The following GPRC6A variants were observed in gnomAD, a reference collection of about 807,000 sequenced individuals.
GPRC6A encodes G protein-coupled receptor class C group 6 member A, also known as G protein-coupled receptor family C group 6 member A.
GPRC6A carries 54 observed loss-of-function variants against 47.0 expected under a neutral mutation model. The ratio of observed to expected loss-of-function variants is 1.15; its 90% CI spans 0.92 to 1.44. The LOEUF (loss-of-function observed/expected upper bound fraction) is 1.44, where lower values mean the gene tolerates loss of function less well. Ranked by LOEUF, GPRC6A falls within the 40% of genes most tolerant of loss-of-function variation. The pLI is 0.00. For synonymous variants in GPRC6A, 347 were observed against 377.1 expected, an observed-to-expected ratio of 0.92 and a Z score of 0.93; for missense variants, 1,112 against 1,105.5, an observed-to-expected ratio of 1.01 and a Z score of -0.08.
intron 1 of GPRC6A, among the ~76,000 whole-genome samples, chr6:116,825,894 A>G (rs1007695729): frequency 6.6e-6 from 1 of 151,990 alleles, no homozygotes; most frequent in Non-Finnish European, 1.5e-5. Flanking sequence ...AAGTAAATCC[A>G]CATATTTATT....
chr6:116,816,816 G>T, intron 1 of GPRC6A, among the ~76,000 whole-genome samples: 1 of 152,228 alleles, frequency 6.6e-6, no homozygotes, highest in East Asian at 1.9e-4. Flanking sequence ...CCCGAATACT[G>T]CGCTTTTCTG....
Position 116,795,836 on chromosome 6 carries a change from C to G in GPRC6A, c.1549-1G>C, listed in dbSNP as rs78807485. On this transcript the variant is annotated splice_acceptor_variant, in intron 4 of 5. Coordinates refer to ENST00000310357, the MANE Select transcript of GPRC6A (RefSeq NM_148963.4). LOFTEE classifies it high-confidence loss of function. ...CCTTGGAGCATTTAGATTGAATTTG[C>G]TATATTAAAAGTGAAAAAAAAAATC... is the stretch of plus-strand genomic sequence containing the variant. 3 of 1,581,558 alleles carry G rather than the reference C, an allele frequency of 1.9e-6. No homozygotes were observed. In the African/African-American group the frequency reaches 4.1e-5, roughly 22 times the overall value.
intron 3 of GPRC6A, among the ~76,000 whole-genome samples, chr6:116,805,912 A>G (rs887676380): frequency 6.6e-6 from 1 of 152,008 alleles, no homozygotes; most frequent in African/African-American, 2.4e-5. Context: ...ATTATAAACC[A>G]CCAAAGACAG....
intron 3 of GPRC6A, among the ~76,000 whole-genome samples, chr6:116,802,809 A>G (rs1772718220): frequency 6.6e-6 from 1 of 152,080 alleles, no homozygotes. Flanking sequence ...ACTTCTTCTT[A>G]CTACTTCTTC....
At chr6:116,801,862 T>C (rs1004011495) in intron 3 of GPRC6A, among the ~76,000 whole-genome samples, 11 of 152,056 alleles carry the variant, frequency 7.2e-5, no homozygotes, top group African/African-American at 2.7e-4. Context: ...CATGGTGGAA[T>C]TCACTAACAA....
At chr6:116,800,901 G>A (rs941070663) in intron 3 of GPRC6A, 105 bp from the exon 4 acceptor site, 29 of 679,512 alleles carry the variant, frequency 4.3e-5, no homozygotes, top group African/African-American at 4.0e-4. Context: ...TTAAAAATGA[G>A]GGAAAAAAGA....
At chr6:116,803,015 G>A (rs1418597071) in intron 3 of GPRC6A, among the ~76,000 whole-genome samples, 1 of 151,972 alleles carries the variant, frequency 6.6e-6, no homozygotes, top group Non-Finnish European at 1.5e-5. Context: ...TACAATACAT[G>A]TCTCATAAAT....
At chr6:116,809,825 T>G (rs375993577) in intron 1 of GPRC6A, among the ~76,000 whole-genome samples, 5 of 152,312 alleles carry the variant, frequency 3.3e-5, no homozygotes, top group African/African-American at 1.2e-4. Context: ...AAGGAGTCTA[T>G]GCTACAGGAT....
intron 2 of GPRC6A, 71 bp downstream of exon 2, chr6:116,809,243 C>A: frequency 7.8e-7 from 1 of 1,277,768 alleles, no homozygotes; most frequent in Middle Eastern, 1.9e-4. Context: ...CTAGTTTCCT[C>A]AGGTTTCCCT....
chr6:116,807,428 T>G (rs1242648815), intron 2 of GPRC6A, among the ~76,000 whole-genome samples: 2 of 152,202 alleles, frequency 1.3e-5, no homozygotes, highest in East Asian at 3.8e-4. Context: ...GAATTCAGGC[T>G]GTATCTCATT....
chr6:116,826,258 T>G (rs971356666), intron 1 of GPRC6A, among the ~76,000 whole-genome samples: 3 of 151,708 alleles, frequency 2.0e-5, no homozygotes, highest in Non-Finnish European at 3.0e-5. Context: ...AGACAACCAC[T>G]TACTGGGAGA....
At chr6:116,800,846 G>A (rs752785504) in intron 3 of GPRC6A, 50 bp from the exon 4 acceptor site, 20 of 1,113,806 alleles carry the variant, frequency 1.8e-5, no homozygotes, top group Non-Finnish European at 2.5e-5. Context: ...TGTTGCAAAT[G>A]TATCCATTAT....
At chr6:116,800,137 G>A (rs149289530) in intron 4 of GPRC6A, among the ~76,000 whole-genome samples, 1 of 152,156 alleles carries the variant, frequency 6.6e-6, no homozygotes, top group East Asian at 1.9e-4. Flanking sequence ...GCCCACTGGA[G>A]GCTAGAGATC....
At chr6:116,803,798 T>C (rs1772753468) in intron 3 of GPRC6A, among the ~76,000 whole-genome samples, 1 of 152,134 alleles carries the variant, frequency 6.6e-6, no homozygotes, top group African/African-American at 2.4e-5. Flanking sequence ...ATAGAGGTCA[T>C]GTTTTTTGGA....
At chr6:116,824,180 C>T (rs1446556174) in intron 1 of GPRC6A, among the ~76,000 whole-genome samples, 4 of 151,544 alleles carry the variant, frequency 2.6e-5, no homozygotes, top group Non-Finnish European at 5.9e-5. Flanking sequence ...AAGAATGTAT[C>T]TTAAGGAACT....
chr6:116,808,736 G>A (rs1206633843), intron 2 of GPRC6A, among the ~76,000 whole-genome samples: 1 of 152,076 alleles, frequency 6.6e-6, no homozygotes, highest in African/African-American at 2.4e-5. Flanking sequence ...GACGTAGAGA[G>A]TTACAAAGTA....
rs774357893 is a variant in GPRC6A at position 116,793,213 on chromosome 6, G to A, written c.1710C>T (p.His570=). Reference sequence around the variant, plus strand: ...ACATAGTGCTCCTAACAGGGGCCCAGTGAGTTTTGTTGTTGCATAAAAGGC... The same window carrying A: ...ACATAGTGCTCCTAACAGGGGCCCAATGAGTTTTGTTGTTGCATAAAAGGC... The part of the protein sequence containing the change: ...PHCLLCNNKT[H]WAPVRSTMCF... The change falls in exon 6 of 6, where the codon CAC becomes CAT. Residue 570 remains histidine, a synonymous_variant. Transcript: ENST00000310357. 6.9e-6 allele frequency: 11 copies of A among 1,604,596 alleles called. No individual in the cohort carries two copies. The highest frequency in any genetic ancestry group is 8.5e-6 in the Non-Finnish European group (10 of 1,176,256).
At chr6:116,801,332 G>A (rs1512658) in intron 3 of GPRC6A, among the ~76,000 whole-genome samples, 112,249 of 152,054 alleles carry the variant, frequency 0.74, 41,652 homozygotes, top group Middle Eastern at 0.84. Flanking sequence ...CACAGTGAGA[G>A]CTTGTATACT....
At chr6:116,796,972 C>G (rs963164788) in intron 4 of GPRC6A, among the ~76,000 whole-genome samples, 1 of 152,032 alleles carries the variant, frequency 6.6e-6, no homozygotes, top group African/African-American at 2.4e-5. Context: ...CATGCTGGTG[C>G]GCTGCACCCA....
Sources: gnomAD v4.1 joint callset for allele counts (sites outside exome capture counted in the v4.1 genomes callset) on GRCh38, gnomAD v4.1.1 for gene constraint, MANE v1.5 for transcripts, NCBI Gene and HGNC (gene_info 2026-07-23, HGNC 2026-07-21) for gene names.